Variants in TTC34 observed in about 807,000 individuals in gnomAD.
TTC34 encodes the protein tetratricopeptide repeat protein 34.
Under a neutral mutation model 40.7 loss-of-function variants are expected in TTC34, and 44 were observed. That is an observed-to-expected ratio of 1.08 (90% CI 0.85 to 1.39). The LOEUF is 1.39. Ranked by LOEUF, TTC34 falls within the 40% of genes most tolerant of loss-of-function variation. TTC34 has a pLI of 0.00. For missense variants in TTC34, 884 were observed against 838.0 expected, an observed-to-expected ratio of 1.05 and a Z score of -0.68; for synonymous variants, 422 against 398.6, an observed-to-expected ratio of 1.06 and a Z score of -0.70.
At chr1:2,785,068 A>G (rs1289104151) in intron 5 of TTC34, among the ~76,000 whole-genome samples, 1 of 152,058 alleles carries the variant, frequency 6.6e-6, no homozygotes, top group East Asian at 1.9e-4. Flanking sequence ...TGTGCCAGGT[A>G]CTGTCCCAAA....
chr1:2,753,296 A>AC (rs1641388063), intron 6 of TTC34, among the ~76,000 whole-genome samples: 3 of 72,182 alleles, frequency 4.2e-5, no homozygotes, highest in Non-Finnish European at 4.8e-5. Context: ...CACCCTGCAC[A>AC]CCCAGGTGAG....
intron 6 of TTC34, among the ~76,000 whole-genome samples, chr1:2,749,677 A>G (rs1294129744): frequency 4.4e-5 from 1 of 22,746 alleles, no homozygotes; most frequent in African/African-American, 2.4e-4. Context: ...TGGAGCAGCA[A>G]CCTGCACACC....
intron 6 of TTC34, among the ~76,000 whole-genome samples, chr1:2,773,052 G>T (rs138099846): frequency 7.0e-5 from 8 of 114,226 alleles, no homozygotes; most frequent in Non-Finnish European, 1.4e-4. Context: ...GGAGCAGCAC[G>T]CACACCCCCA....
At chr1:2,785,921 C>A (rs747589992) in exon 5 of TTC34, 1 of 1,533,476 alleles carries the variant, frequency 6.5e-7, no homozygotes, top group South Asian at 1.2e-5. Flanking sequence ...AGGGCCCTGG[C>A]GTGGCAGTGG....
chr1:2,683,884 G>A (rs1640197955), intron 6 of TTC34, among the ~76,000 whole-genome samples: 1 of 151,596 alleles, frequency 6.6e-6, no homozygotes, highest in South Asian at 2.1e-4. Flanking sequence ...CCCGAGGCGA[G>A]CATCTGACAG....
intron 6 of TTC34, among the ~76,000 whole-genome samples, chr1:2,781,356 TG>T (rs1244695302): frequency 6.6e-6 from 1 of 152,242 alleles, no homozygotes; most frequent in Non-Finnish European, 1.5e-5. Flanking sequence ...TGTATAAAAA[TG>T]CAACTGATTT....
At chr1:2,687,932 G>A (rs1202956955) in intron 6 of TTC34, among the ~76,000 whole-genome samples, 1 of 149,318 alleles carries the variant, frequency 6.7e-6, no homozygotes, top group East Asian at 1.9e-4. Flanking sequence ...CACACGCCCA[G>A]GTGAGCCTCT....
At chr1:2,652,526 T>TGG (rs1639182178) in intron 6 of TTC34, among the ~76,000 whole-genome samples, 34 of 30,668 alleles carry the variant, frequency 1.1e-3, no homozygotes, top group Admixed American at 3.1e-3. Context: ...CACCCACACC[T>TGG]CCAGGCGAGC....
At chr1:2,649,736 G>A (rs1194510913) in intron 6 of TTC34, among the ~76,000 whole-genome samples, 1 of 152,130 alleles carries the variant, frequency 6.6e-6, no homozygotes, top group Non-Finnish European at 1.5e-5. Flanking sequence ...GACCAGGCTG[G>A]TCTTGAACTC....
At chr1:2,791,256 C>T (rs966528701) in intron 2 of TTC34, among the ~76,000 whole-genome samples, 2 of 152,112 alleles carry the variant, frequency 1.3e-5, no homozygotes, top group Admixed American at 6.5e-5. Flanking sequence ...CTGGGAGAGG[C>T]GGGGATACTC....
chr1:2,658,541 G>GC (rs1415297505), intron 6 of TTC34, among the ~76,000 whole-genome samples: 3 of 33,496 alleles, frequency 9.0e-5, no homozygotes, highest in South Asian at 9.4e-4. Context: ...ACAGCACGCT[G>GC]CCCCCCCAGG....
At chr1:2,654,017 C>G (rs1411718478) in intron 6 of TTC34, among the ~76,000 whole-genome samples, 1 of 48,852 alleles carries the variant, frequency 2.0e-5, no homozygotes, top group African/African-American at 8.1e-5. Flanking sequence ...CACCCCCAGG[C>G]GAGCATCTGA....
intron 5 of TTC34, among the ~76,000 whole-genome samples, chr1:2,785,410 G>T (rs926188642): frequency 6.6e-6 from 1 of 152,266 alleles, no homozygotes; most frequent in South Asian, 2.1e-4. Flanking sequence ...CCCCCGTGCT[G>T]GGTGTCCCAG....
At chr1:2,685,968 G>T (rs1269516130) in intron 6 of TTC34, among the ~76,000 whole-genome samples, 3,004 of 70,526 alleles carry the variant, frequency 0.043, 34 homozygotes, top group African/African-American at 0.1. Flanking sequence ...ACCCACAGGC[G>T]AGCATCTGAC....
exon 9 of TTC34, chr1:2,641,857 C>A: frequency 6.6e-7 from 1 of 1,513,936 alleles, no homozygotes; most frequent in Non-Finnish European, 8.8e-7. Flanking sequence ...GCCTGGGTTG[C>A]CCTGCGTCCA....
rs562300018 is a variant in TTC34, at chr1:2,781,504, G to T, written c.2226+2105C>A. Among the ~76,000 whole-genome samples, 70 of 152,152 alleles carry T rather than the reference G, an allele frequency of 4.6e-4. 1 individual carries two copies. In the South Asian group the frequency reaches 0.014, roughly 31 times the overall value. ...GATAATTTTACTTCTTTCAAATTTGGATGCTTGGTAATTTTTTTCTTGCCT... is the reference window on the plus strand; with the variant it reads ...GATAATTTTACTTCTTTCAAATTTGTATGCTTGGTAATTTTTTTCTTGCCT... On this transcript the variant is annotated intron_variant, in intron 6 of 8. Transcript: ENST00000401095.
At position 2,752,840 on chromosome 1, in the gene TTC34, G is replaced by A. The variant is rs1199120926; in HGVS notation, c.2226+30769C>T. 1.8e-3 allele frequency among the ~76,000 whole-genome samples: 227 copies of A among 125,878 alleles called. 23 individuals carry two copies. The highest frequency in any genetic ancestry group is 5.0e-3 in the African/African-American group (169 of 33,466). The allele number at this position is 125,878 out of a possible 152,430, so 82.6% of individuals were successfully genotyped here. On this transcript the variant is annotated intron_variant, in intron 6 of 8. Transcript: ENST00000401095. ...CCCCAGGTGCGCACCTGACAGACTGGAACAGCACCCACACACCCAGGCGAG... is the reference window on the plus strand; with the variant it reads ...CCCCAGGTGCGCACCTGACAGACTGAAACAGCACCCACACACCCAGGCGAG...
chr1:2,756,929 C>G (rs2100449383), intron 6 of TTC34, among the ~76,000 whole-genome samples: 1 of 152,106 alleles, frequency 6.6e-6, no homozygotes, highest in East Asian at 1.9e-4. Flanking sequence ...ATCTGACAGC[C>G]TGGAACAGAA....
intron 6 of TTC34, among the ~76,000 whole-genome samples, chr1:2,772,949 C>T (rs1642495958): frequency 2.2e-5 from 3 of 139,252 alleles, no homozygotes; most frequent in Admixed American, 7.2e-5. Flanking sequence ...CCCAGGCGAG[C>T]ATCTGACAGC....
Sources: allele counts gnomAD v4.1 joint callset (sites outside exome capture counted in the v4.1 genomes callset), GRCh38; gene constraint gnomAD v4.1.1; transcripts MANE v1.5; gene names NCBI Gene and HGNC (gene_info 2026-07-23, HGNC 2026-07-21).